Variants in HERPUD2 observed in about 807,000 individuals in gnomAD.
The protein encoded by HERPUD2 is homocysteine-responsive endoplasmic reticulum-resident ubiquitin-like domain member 2 protein.
A neutral mutation model predicts 49.9 loss-of-function variants in HERPUD2; 13 were observed. The ratio of observed to expected loss-of-function variants is 0.26; its 90% CI spans 0.17 to 0.41. HERPUD2 has a LOEUF of 0.41. HERPUD2 is among the 10% of genes least tolerant of loss of function. The pLI, the probability that HERPUD2 is intolerant of heterozygous loss-of-function variation, is 1.00. For missense variants in HERPUD2, 449 were observed against 492.2 expected (o/e 0.91, Z 0.83); for synonymous variants, 172 against 171.4 (o/e 1.00, Z -0.03).
Position 35,638,374 on chromosome 7 carries a change from T to A in HERPUD2, c.593A>T (p.Tyr198Phe). 1.2e-6 allele frequency: 2 copies of A among 1,613,366 alleles called. No individual in the cohort carries two copies. The highest frequency in any genetic ancestry group is 1.7e-6 in the Non-Finnish European group (2 of 1,179,402). ...CTACTGCATATAATACTGATGAGCATACATCTGTTGCCACCATAGCATCTG... is the reference window on the plus strand; with the variant it reads ...CTACTGCATATAATACTGATGAGCAAACATCTGTTGCCACCATAGCATCTG... ...PLQMLWWQQM[Y>F]AHQYYMQYQA... Residue 198 changes from tyrosine (Y) to phenylalanine (F), a missense_variant, in exon 6 of 9, where the codon TAT (tyrosine) becomes TTT (phenylalanine). By Grantham distance (22) the Tyr-to-Phe change is conservative. Transcript: ENST00000311350.
intron 2 of HERPUD2, among the ~76,000 whole-genome samples, chr7:35,683,810 T>C (rs1258136915): frequency 6.6e-6 from 1 of 152,082 alleles, no homozygotes; most frequent in East Asian, 1.9e-4. Flanking sequence ...GAAAAGATGC[T>C]CAACATTACT....
intron 5 of HERPUD2, among the ~76,000 whole-genome samples, chr7:35,664,023 G>T (rs185335184): frequency 2.0e-5 from 3 of 152,270 alleles, no homozygotes; most frequent in Admixed American, 2.0e-4. Flanking sequence ...TTTTTGCAGG[G>T]CTGGTACCGG....
intron 2 of HERPUD2, among the ~76,000 whole-genome samples, chr7:35,688,063 T>C (rs984945735): frequency 2.0e-5 from 3 of 152,190 alleles, no homozygotes; most frequent in Non-Finnish European, 4.4e-5. Context: ...TTCAATGAAC[T>C]ATAATCTAGT....
In HERPUD2 at chr7:35,635,232, T is replaced by G; in HGVS notation, c.844A>C (p.Thr282Pro). The G allele has an allele frequency of 6.2e-7, 1 of 1,614,090 alleles. No individual in the cohort carries two copies. Among genetic ancestry groups the G allele is most frequent in the Non-Finnish European group, 8.5e-7 (1 of 1,179,940 alleles). Residue 282 changes from threonine (T) to proline (P), a missense_variant, in exon 7 of 9, where the codon ACG (threonine) becomes CCG (proline). Coordinates refer to ENST00000311350, the MANE Select transcript of HERPUD2 (RefSeq NM_022373.5). ...FNRDWLDWMYTFSRAAILLSI... is the reference protein window; with the variant it reads ...FNRDWLDWMYPFSRAAILLSI... The stretch of plus-strand genomic sequence containing the variant: ...AGGAGAATCGCAGCTCGTGAGAACG[T>G]GTACATCCAGTCTAGCCAGTCTCGA...
intron 2 of HERPUD2, among the ~76,000 whole-genome samples, chr7:35,693,058 T>C (rs1173388458): frequency 6.6e-6 from 1 of 152,224 alleles, no homozygotes; most frequent in Non-Finnish European, 1.5e-5. Context: ...AAAGCCTCAC[T>C]TTCATATACA....
At chr7:35,674,456 GAGA>G (rs1785717192) in intron 2 of HERPUD2, among the ~76,000 whole-genome samples, 5 of 120,334 alleles carry the variant, frequency 4.2e-5, no homozygotes, top group Non-Finnish European at 8.6e-5. Flanking sequence ...GAGAGAGAGA[GAGA>G]GAGAGGAGCA....
intron 5 of HERPUD2, among the ~76,000 whole-genome samples, chr7:35,643,881 C>T (rs1260855734): frequency 6.7e-6 from 1 of 149,394 alleles, no homozygotes; most frequent in Non-Finnish European, 1.5e-5. Flanking sequence ...TATAACCACA[C>T]AGAGAATTAT....
At chr7:35,686,431 C>T (rs1373784506) in intron 2 of HERPUD2, among the ~76,000 whole-genome samples, 1 of 143,888 alleles carries the variant, frequency 6.9e-6, no homozygotes, top group African/African-American at 2.6e-5. Flanking sequence ...TCATGATCCG[C>T]CCACCTCGGC....
chr7:35,686,079 G>A (rs952686645), intron 2 of HERPUD2, among the ~76,000 whole-genome samples: 4 of 152,154 alleles, frequency 2.6e-5, no homozygotes, highest in Non-Finnish European at 5.9e-5. Flanking sequence ...GGTATTGTAA[G>A]CTACAGCATT....
rs1785715542 is a variant in HERPUD2, at chr7:35,674,444, GA to G, written c.148-1167del. On this transcript the variant is annotated intron_variant, in intron 2 of 8. Transcript: ENST00000311350. ...AGAGAGAGAGAGAGAGAGAGAGAGA[GA>G]GAGAGAGAGAGAGAGAGAGGAGCAC... Among the ~76,000 whole-genome samples the G allele has an allele frequency of 4.5e-5, 6 of 133,150 alleles. No homozygotes were observed. In the South Asian group the frequency reaches 1.0e-3, roughly 23 times the overall value. 87.4% of individuals were successfully genotyped at this position (133,150 alleles called of 152,430 possible).
At chr7:35,633,887 T>C in intron 8 of HERPUD2, 36 bp from the exon 9 acceptor site, 1 of 1,594,072 alleles carries the variant, frequency 6.3e-7, no homozygotes, top group Non-Finnish European at 8.6e-7. Context: ...TCCTGAGTGA[T>C]ATGAACGAGC....
intron 6 of HERPUD2, 111 bp downstream of exon 6, chr7:35,638,239 A>C: frequency 1.8e-5 from 20 of 1,083,726 alleles, no homozygotes; most frequent in Non-Finnish European, 2.5e-5. Context: ...TAGTCAAAAC[A>C]ACATTAAATA....
intron 2 of HERPUD2, among the ~76,000 whole-genome samples, chr7:35,686,830 T>C (rs1026721998): frequency 2.8e-4 from 1 of 3,548 alleles, no homozygotes; most frequent in Admixed American, 4.3e-3. Flanking sequence ...GGTGGGGGGG[T>C]GGGGGGGGGC....
intron 5 of HERPUD2, among the ~76,000 whole-genome samples, chr7:35,660,254 C>T (rs1283425417): frequency 1.3e-5 from 2 of 152,200 alleles, no homozygotes; most frequent in African/African-American, 4.8e-5. Context: ...ATATGTGCCA[C>T]ATTTTCTTAA....
chr7:35,642,765 T>C (rs1583539551), intron 5 of HERPUD2, among the ~76,000 whole-genome samples: 1 of 152,130 alleles, frequency 6.6e-6, no homozygotes, highest in Admixed American at 6.5e-5. Flanking sequence ...TGAGAACACA[T>C]GGACACAAAG....
rs1378743392 is a variant in HERPUD2 at position 35,667,431 on chromosome 7, T to C, written c.494+3A>G. 6.2e-7 allele frequency: 1 copy of C among 1,607,534 alleles called. No individual in the cohort carries two copies. The highest frequency in any genetic ancestry group is 1.3e-5 in the African/African-American group (1 of 74,864). Reference sequence around the variant, plus strand: ...ATTCCATAGCTACCACAATTTCACTTACCCTTGCATTACATATGGAAACTG... The same window carrying C: ...ATTCCATAGCTACCACAATTTCACTCACCCTTGCATTACATATGGAAACTG... On this transcript the variant is annotated splice_donor_region_variant and intron_variant, in intron 5 of 8. Transcript: ENST00000311350.
At chr7:35,657,210 T>C (rs1273794660) in intron 5 of HERPUD2, among the ~76,000 whole-genome samples, 1 of 152,004 alleles carries the variant, frequency 6.6e-6, no homozygotes, top group Non-Finnish European at 1.5e-5. Flanking sequence ...AGGACATGAA[T>C]AGCTATTTCT....
chr7:35,675,436 T>C (rs1785740656), intron 2 of HERPUD2, among the ~76,000 whole-genome samples: 1 of 152,198 alleles, frequency 6.6e-6, no homozygotes, highest in South Asian at 2.1e-4. Context: ...ATCTCTATAA[T>C]GTACTTATTA....
At chr7:35,654,754 C>A (rs1270685792) in intron 5 of HERPUD2, among the ~76,000 whole-genome samples, 1 of 151,288 alleles carries the variant, frequency 6.6e-6, no homozygotes, top group Non-Finnish European at 1.5e-5. Flanking sequence ...TGGCTGACTG[C>A]AACCTCCACC....
Sources: allele counts gnomAD v4.1 joint callset (sites outside exome capture counted in the v4.1 genomes callset), GRCh38; gene constraint gnomAD v4.1.1; transcripts MANE v1.5; gene names NCBI Gene and HGNC (gene_info 2026-07-23, HGNC 2026-07-21).